MINDY3: variants seen among roughly 807,000 people sequenced by gnomAD.
MINDY3 encodes ubiquitin carboxyl-terminal hydrolase MINDY-3.
MINDY3 carries 38 observed loss-of-function variants against 69.2 expected under a neutral mutation model. The ratio of observed to expected loss-of-function variants is 0.55; its 90% CI spans 0.42 to 0.72. The LOEUF (loss-of-function observed/expected upper bound fraction) is 0.72. Among genes scored for constraint, MINDY3 ranks in the 30% least tolerant of loss-of-function variants. The pLI, the probability that MINDY3 is intolerant of heterozygous loss-of-function variation, is 0.00. For synonymous variants in MINDY3, 192 were observed against 180.1 expected, an observed-to-expected ratio of 1.07 and a Z score of -0.53; for missense variants, 522 against 519.0, an observed-to-expected ratio of 1.01 and a Z score of -0.06.
intron 2 of MINDY3, among the ~76,000 whole-genome samples, chr10:15,847,501 C>T (rs1460374843): frequency 1.3e-5 from 2 of 151,946 alleles, no homozygotes; most frequent in Admixed American, 6.6e-5. Flanking sequence ...GTAACTTTTA[C>T]AGACTGAAAT....
Position 15,841,487 on chromosome 10 carries a change from A to G in MINDY3, c.348T>C (p.Thr116=). 4 of 1,612,090 alleles carry G rather than the reference A, an allele frequency of 2.5e-6. No individual in the cohort carries two copies. The highest frequency in any genetic ancestry group is 3.4e-6 in the Non-Finnish European group (4 of 1,178,606). ...CLVSWLRGKT[T]EETASISGSP... ...TCCCAGAAATACTAGCAGTTTCCTC[A>G]GTTGTCTTTCCTCTTAACCATGAAA... Residue 116 remains threonine (T), a synonymous_variant, in exon 4 of 15, where the codon ACT becomes ACC. Coordinates refer to ENST00000277632, the MANE Select transcript of MINDY3 (RefSeq NM_024948.4).
At chr10:15,859,460 A>C (rs1834928639) in intron 1 of MINDY3, among the ~76,000 whole-genome samples, 1 of 152,182 alleles carries the variant, frequency 6.6e-6, no homozygotes, top group East Asian at 1.9e-4. Flanking sequence ...AGGGATAGTT[A>C]CTAGTATAAA....
intron 12 of MINDY3, among the ~76,000 whole-genome samples, chr10:15,787,842 T>A (rs1029184563): frequency 6.6e-6 from 1 of 152,118 alleles, no homozygotes; most frequent in Non-Finnish European, 1.5e-5. Flanking sequence ...GGCAGGGTCA[T>A]TTGTGTTTAA....
Position 15,779,090 on chromosome 10 carries a change from G to A in MINDY3, c.1240C>T (p.Leu414=), listed in dbSNP as rs1836313162. The change falls in exon 15 of 15, where the codon CTA becomes TTA. Residue 414 remains leucine, a synonymous_variant. Transcript: ENST00000277632. ...AVVMGFEDPM[L]QTDDTPIKRC... is the part of the protein sequence containing the mutation. Reference sequence around the variant, plus strand: ...TTAATAGGAGTGTCATCTGTCTGTAGCATGGGATCTTCAAAACCCATCACA... The same window carrying A: ...TTAATAGGAGTGTCATCTGTCTGTAACATGGGATCTTCAAAACCCATCACA... The A allele has an allele frequency of 7.4e-6, 12 of 1,613,450 alleles. No homozygotes were observed. Among genetic ancestry groups the A allele is most frequent in the Non-Finnish European group, 1.0e-5 (12 of 1,179,736 alleles).
chr10:15,820,866 G>T (rs1564494375), intron 9 of MINDY3, among the ~76,000 whole-genome samples: 1 of 152,168 alleles, frequency 6.6e-6, no homozygotes, highest in Non-Finnish European at 1.5e-5. Flanking sequence ...AGCACTTAGG[G>T]ATGGAAGCCA....
chr10:15,807,861 G>C (rs371930915), intron 10 of MINDY3, among the ~76,000 whole-genome samples: 53 of 152,286 alleles, frequency 3.5e-4, no homozygotes, highest in African/African-American at 1.2e-3. Flanking sequence ...ATAAGGCAAA[G>C]AGTACATAAG....
intron 8 of MINDY3, among the ~76,000 whole-genome samples, chr10:15,825,504 C>A (rs1022721628): frequency 6.6e-6 from 1 of 152,178 alleles, no homozygotes; most frequent in African/African-American, 2.4e-5. Context: ...AGCCAATACA[C>A]CCAGCCTAAC....
intron 13 of MINDY3, among the ~76,000 whole-genome samples, chr10:15,783,249 T>A (rs559055931): frequency 6.6e-6 from 1 of 152,268 alleles, no homozygotes; most frequent in Non-Finnish European, 1.5e-5. Flanking sequence ...CCTGAGCTAC[T>A]CCTTCCCCTT....
intron 1 of MINDY3, among the ~76,000 whole-genome samples, chr10:15,851,196 C>T (rs755364794): frequency 1.4e-4 from 22 of 152,082 alleles, no homozygotes; most frequent in Non-Finnish European, 2.2e-4. Flanking sequence ...CTAATGTTCC[C>T]CAGGTCTTGG....
Position 15,778,891 on chromosome 10 carries a change from A to C in MINDY3, c.*101T>G. 1.1e-6 allele frequency: 1 copy of C among 891,768 alleles called. No homozygotes were observed. The highest frequency in any genetic ancestry group is 1.7e-6 in the Non-Finnish European group (1 of 592,270). The allele number at this position is 891,768 out of a possible 1,614,324, so 55.2% of individuals were successfully genotyped here. ...TGTTTTTAATTGTTATTTACAGTTA[A>C]TCAGTGATACCAGTGTTTAGCTTAA... On this transcript the variant is annotated 3_prime_UTR_variant, in exon 15 of 15. Coordinates refer to ENST00000277632, the MANE Select transcript of MINDY3 (RefSeq NM_024948.4).
intron 10 of MINDY3, among the ~76,000 whole-genome samples, chr10:15,811,813 T>C (rs1839020846): frequency 6.6e-6 from 1 of 152,314 alleles, no homozygotes; most frequent in East Asian, 1.9e-4. Context: ...TAATTACATG[T>C]GTACAGAACA....
chr10:15,834,057 T>C (rs1443990024), intron 7 of MINDY3, among the ~76,000 whole-genome samples: 1 of 152,026 alleles, frequency 6.6e-6, no homozygotes, highest in East Asian at 1.9e-4. Context: ...GAAAGATACA[T>C]GAACTTTCAT....
chr10:15,838,577 A>G (rs547058627), intron 4 of MINDY3, among the ~76,000 whole-genome samples: 1 of 151,898 alleles, frequency 6.6e-6, no homozygotes, highest in South Asian at 2.1e-4. Flanking sequence ...TCAGTGCCTC[A>G]CATATCATAA....
intron 10 of MINDY3, among the ~76,000 whole-genome samples, chr10:15,809,181 C>T (rs980245045): frequency 7.9e-5 from 12 of 151,992 alleles, no homozygotes; most frequent in Admixed American, 6.6e-5. Context: ...ATGAGGAAAA[C>T]GATGGTTAGG....
At chr10:15,807,495 G>C (rs1208998910) in intron 10 of MINDY3, among the ~76,000 whole-genome samples, 1 of 152,128 alleles carries the variant, frequency 6.6e-6, no homozygotes, top group Non-Finnish European at 1.5e-5. Context: ...GTAAGACTTA[G>C]TGGCGGTCAT....
At chr10:15,855,070 A>G (rs1225874461) in intron 1 of MINDY3, among the ~76,000 whole-genome samples, 3 of 152,100 alleles carry the variant, frequency 2.0e-5, no homozygotes, top group Admixed American at 2.0e-4. Context: ...TAAAAATTTA[A>G]ATCATGTAAC....
At chr10:15,850,735 G>C (rs907866570) in intron 1 of MINDY3, among the ~76,000 whole-genome samples, 3 of 152,092 alleles carry the variant, frequency 2.0e-5, no homozygotes, top group Non-Finnish European at 4.4e-5. Context: ...CCCTGGTCCT[G>C]TGATCTCACT....
intron 1 of MINDY3, among the ~76,000 whole-genome samples, chr10:15,858,921 C>A (rs1239625957): frequency 6.6e-6 from 1 of 151,800 alleles, no homozygotes; most frequent in African/African-American, 2.4e-5. Flanking sequence ...AGGTAACTGA[C>A]ATAATTGAAT....
At chr10:15,860,117 G>T in intron 1 of MINDY3, 89 bp downstream of exon 1, 1 of 971,596 alleles carries the variant, frequency 1.0e-6, no homozygotes, top group Non-Finnish European at 1.6e-6. Flanking sequence ...AGCGGGGCAC[G>T]CGAGGGGCTG....
Sources: gnomAD v4.1 joint callset for allele counts (sites outside exome capture counted in the v4.1 genomes callset) on GRCh38, gnomAD v4.1.1 for gene constraint, MANE v1.5 for transcripts, NCBI Gene and HGNC (gene_info 2026-07-23, HGNC 2026-07-21) for gene names.